Variants in WWC2 observed in about 807,000 individuals in gnomAD.
WWC2 encodes WW and C2 domain containing 2.
Under a neutral mutation model 138.5 loss-of-function variants are expected in WWC2, and 101 were observed. The ratio of observed to expected loss-of-function variants is 0.73; its 90% confidence interval spans 0.62 to 0.86. The LOEUF (loss-of-function observed/expected upper bound fraction) is 0.86. Ranked by LOEUF, WWC2 falls within the 40% of genes least tolerant of loss-of-function variation. The pLI, the probability that WWC2 is intolerant of heterozygous loss-of-function variation, is 0.00. For missense variants in WWC2, 1,420 were observed against 1,419.4 expected, an observed-to-expected ratio of 1.00 and a Z score of -0.01; for synonymous variants, 558 against 538.4, an observed-to-expected ratio of 1.04 and a Z score of -0.50.
At chr4:183,150,023 T>C (rs1733595786) in intron 1 of WWC2, among the ~76,000 whole-genome samples, 1 of 152,176 alleles carries the variant, frequency 6.6e-6, no homozygotes, top group Non-Finnish European at 1.5e-5. Context: ...TCCTGGGACC[T>C]CTTTGAGGTT....
intron 1 of WWC2, among the ~76,000 whole-genome samples, chr4:183,159,303 T>C (rs544965145): frequency 6.6e-6 from 1 of 152,358 alleles, no homozygotes; most frequent in East Asian, 1.9e-4. Flanking sequence ...TCTTGCTTTT[T>C]AAAATTGTCT....
At chr4:183,281,880 A>T (rs1028708937) in intron 17 of WWC2, among the ~76,000 whole-genome samples, 1 of 152,220 alleles carries the variant, frequency 6.6e-6, no homozygotes, top group African/African-American at 2.4e-5. Flanking sequence ...TGTTTCACAC[A>T]TATTTCCAAA....
At chr4:183,295,766 C>G (rs1410194473) in intron 21 of WWC2, among the ~76,000 whole-genome samples, 1 of 152,274 alleles carries the variant, frequency 6.6e-6, no homozygotes, top group African/African-American at 2.4e-5. Flanking sequence ...GAAAGGTGCC[C>G]AGTTCATTCT....
intron 4 of WWC2, among the ~76,000 whole-genome samples, chr4:183,219,136 C>G (rs1735849750): frequency 6.6e-6 from 1 of 151,964 alleles, no homozygotes; most frequent in Non-Finnish European, 1.5e-5. Flanking sequence ...CTAGAATAAG[C>G]AATTTCATAG....
chr4:183,261,268 A>C lies in WWC2; in HGVS notation c.1645A>C (p.Arg549=), dbSNP rs1314676247. The C allele has an allele frequency of 2.5e-6, 4 of 1,613,264 alleles. No homozygotes were observed. The highest frequency in any genetic ancestry group is 3.4e-6 in the Non-Finnish European group (4 of 1,179,696). The change falls in exon 11 of 23, where the codon AGG becomes CGG. Residue 549 remains arginine, a synonymous_variant. Coordinates refer to ENST00000403733, the MANE Select transcript of WWC2 (RefSeq NM_024949.6). ...APKSVASLSS[R]SSLSSLSPPG... ...GAAGTCTGTGGCCTCCCTGTCCTCG[A>C]GGTCCTCCCTTTCCTCCTTGTCTCC...
In WWC2 at chr4:183,204,399, A is replaced by G. The variant is rs546735738; in HGVS notation, c.242-3554A>G. Among the ~76,000 whole-genome samples the G allele has an allele frequency of 1.8e-4, 28 of 152,324 alleles. 1 individual carries two copies. The highest frequency in any genetic ancestry group is 3.4e-3 in the Middle Eastern group (1 of 294). On this transcript the variant is annotated intron_variant, in intron 2 of 22. Coordinates refer to ENST00000403733, the MANE Select transcript of WWC2 (RefSeq NM_024949.6). Reference sequence around the variant, plus strand: ...CAGCCTCTTTTTACAATCGAGAGACATGAGAGTAAGAGAGGTAAAATACTT... The same window carrying G: ...CAGCCTCTTTTTACAATCGAGAGACGTGAGAGTAAGAGAGGTAAAATACTT...
intron 21 of WWC2, among the ~76,000 whole-genome samples, chr4:183,295,167 C>G (rs1426762141): frequency 6.6e-6 from 1 of 152,184 alleles, no homozygotes; most frequent in Admixed American, 6.5e-5. Flanking sequence ...TGAAATCCTT[C>G]CTCTCGAACT....
At chr4:183,307,813 G>A (rs1458017092) in intron 21 of WWC2, among the ~76,000 whole-genome samples, 1 of 152,184 alleles carries the variant, frequency 6.6e-6, no homozygotes, top group Non-Finnish European at 1.5e-5. Context: ...GAGTAAAACT[G>A]TCCCTCTCAC....
intron 1 of WWC2, among the ~76,000 whole-genome samples, chr4:183,117,745 C>T (rs1451632031): frequency 6.6e-6 from 1 of 151,450 alleles, no homozygotes; most frequent in Non-Finnish European, 1.5e-5. Flanking sequence ...GCTGGGATTA[C>T]AGGCGTGAGC....
In WWC2 at chr4:183,284,306, T is replaced by C. The variant is rs1262874870; in HGVS notation, c.2964T>C (p.Ser988=). ...CCAAAGAGCGCAGCAGCCTGAGCTCTAGACAGCATCCGTTTGTGAGGAGCA... is the reference window on the plus strand; with the variant it reads ...CCAAAGAGCGCAGCAGCCTGAGCTCCAGACAGCATCCGTTTGTGAGGAGCA... ...VRPKERSSLS[S]RQHPFVRSSV... is the part of the protein sequence containing the mutation. The change falls in exon 19 of 23, where the codon TCT becomes TCC. Residue 988 remains serine, a synonymous_variant. Transcript: ENST00000403733. 3 of 1,614,014 alleles carry C rather than the reference T, an allele frequency of 1.9e-6. No homozygotes were observed. The highest frequency in any genetic ancestry group is 2.5e-6 in the Non-Finnish European group (3 of 1,179,882).
intron 16 of WWC2, among the ~76,000 whole-genome samples, chr4:183,273,532 G>C (rs556770828): frequency 6.6e-6 from 1 of 152,088 alleles, no homozygotes; most frequent in African/African-American, 2.4e-5. Flanking sequence ...TCAAACTCCC[G>C]ACCTCAGGTG....
chr4:183,142,287 G>A (rs1733324844), intron 1 of WWC2, among the ~76,000 whole-genome samples: 1 of 152,156 alleles, frequency 6.6e-6, no homozygotes, highest in South Asian at 2.1e-4. Context: ...TGTGAATAAG[G>A]TCCAGATTTA....
chr4:183,208,145 C>G lies in WWC2; in HGVS notation c.434C>G (p.Ser145Cys). 6.2e-7 allele frequency: 1 copy of G among 1,613,566 alleles called. No individual in the cohort carries two copies. ...GATGCCTATAAGGAAAAGTCAAGTT[C>G]TCACACAAGCTGTAAGTACAGTGTG... ...LNDAYKEKSS[S>C]HTSLFSGSSS... Residue 145 changes from serine to cysteine, a missense_variant, in exon 3 of 23, where the codon TCT becomes TGT. By Grantham distance (112) the Ser-to-Cys change is moderately radical. Transcript: ENST00000403733.
chr4:183,145,043 T>C (rs1057455192), intron 1 of WWC2, among the ~76,000 whole-genome samples: 3 of 152,216 alleles, frequency 2.0e-5, no homozygotes, highest in African/African-American at 4.8e-5. Flanking sequence ...TTAGAGTGGT[T>C]TGATACCCTG....
intron 4 of WWC2, among the ~76,000 whole-genome samples, chr4:183,212,393 G>T (rs1735623275): frequency 6.6e-6 from 1 of 151,976 alleles, no homozygotes; most frequent in Non-Finnish European, 1.5e-5. Context: ...TCTTGCAATG[G>T]TTTGTCAAAT....
At chr4:183,141,439 T>A (rs974499622) in intron 1 of WWC2, among the ~76,000 whole-genome samples, 3 of 152,166 alleles carry the variant, frequency 2.0e-5, no homozygotes, top group African/African-American at 4.8e-5. Flanking sequence ...TGTCTCCAGA[T>A]ATATTCACAT....
chr4:183,282,545 A>T, intron 17 of WWC2, 163 bp from the exon 18 acceptor site: 1 of 693,206 alleles, frequency 1.4e-6, no homozygotes, highest in Non-Finnish European at 2.4e-6. Context: ...TGAAGAGAGG[A>T]TTTTTTTAAA....
chr4:183,197,333 C>T (rs1735172515), intron 2 of WWC2, among the ~76,000 whole-genome samples: 1 of 152,192 alleles, frequency 6.6e-6, no homozygotes, highest in Non-Finnish European at 1.5e-5. Context: ...TCAAGACATT[C>T]CTGTGAAGTA....
chr4:183,279,523 A>G (rs555900631), intron 16 of WWC2, among the ~76,000 whole-genome samples: 10 of 152,142 alleles, frequency 6.6e-5, no homozygotes, highest in African/African-American at 2.2e-4. Flanking sequence ...CTCTTTTTCT[A>G]TTGATTGGAA....
Sources: allele counts gnomAD v4.1 joint callset (sites outside exome capture counted in the v4.1 genomes callset), GRCh38; gene constraint gnomAD v4.1.1; transcripts MANE v1.5; gene names NCBI Gene and HGNC (gene_info 2026-07-23, HGNC 2026-07-21).